The following NOS1AP variants were observed in gnomAD, a reference collection of about 807,000 sequenced individuals.
NOS1AP encodes the protein carboxyl-terminal PDZ ligand of neuronal nitric oxide synthase protein.
In NOS1AP, 21 loss-of-function variants were observed where a neutral mutation model predicts 56.2. The observed-to-expected ratio is 0.37, with a 90% confidence interval of 0.26 to 0.54. NOS1AP has a LOEUF of 0.54. NOS1AP is among the 20% of genes least tolerant of loss of function. The pLI, the probability that NOS1AP is intolerant of heterozygous loss-of-function variation, is 0.84. For synonymous variants in NOS1AP, 270 were observed against 274.6 expected (o/e 0.98, Z 0.17); for missense variants, 522 against 657.8 (o/e 0.79, Z 2.26).
chr1:162,314,422 G>C (rs1297124177), intron 4 of NOS1AP, among the ~76,000 whole-genome samples: 2 of 152,234 alleles, frequency 1.3e-5, no homozygotes, highest in East Asian at 3.8e-4. Context: ...AGTAACAGGG[G>C]AGCAGGGAAA....
At chr1:162,236,773 C>T (rs1456198914) in intron 2 of NOS1AP, among the ~76,000 whole-genome samples, 1 of 152,158 alleles carries the variant, frequency 6.6e-6, no homozygotes, top group African/African-American at 2.4e-5. Context: ...CCATAGTTCA[C>T]AGGCCAGTCC....
chr1:162,278,905 G>A (rs1654830861), intron 2 of NOS1AP, among the ~76,000 whole-genome samples: 1 of 152,128 alleles, frequency 6.6e-6, no homozygotes, highest in African/African-American at 2.4e-5. Context: ...TTTCTGCCAG[G>A]AACGTTGTTT....
intron 5 of NOS1AP, among the ~76,000 whole-genome samples, chr1:162,333,713 G>A (rs907006451): frequency 2.0e-5 from 3 of 152,132 alleles, no homozygotes; most frequent in African/African-American, 7.2e-5. Flanking sequence ...ACGTTATGTA[G>A]GTCCCAGCGT....
At position 162,356,059 on chromosome 1, in the gene NOS1AP, C is replaced by T. The variant is rs755563092; in HGVS notation, c.762+706C>T. ...GGTTTATATCAGGGCACCTCTCTCT[C>T]TTTAACATTCATATCTTATCTCACA... On this transcript the variant is annotated intron_variant, in intron 7 of 9. Transcript: ENST00000361897. 1.2e-4 allele frequency among the ~76,000 whole-genome samples: 19 copies of T among 152,344 alleles called. 1 individual carries two copies. Among genetic ancestry groups the T allele is most frequent in the Middle Eastern group, 3.4e-3 (1 of 294 alleles).
rs1234331164 is a variant in NOS1AP at position 162,128,746 on chromosome 1, C to G, written c.106-25659C>G. ...AAGGTAATTTGTTAGCCTATGAATT[C>G]TACAAACAGGGAAAAAAAAATCTGT... On this transcript the variant is annotated intron_variant, in intron 1 of 9. Transcript: ENST00000361897. Among the ~76,000 whole-genome samples, 3 of 151,068 alleles carry G rather than the reference C, an allele frequency of 2.0e-5. No homozygotes were observed. In the Admixed American group the frequency reaches 2.0e-4, roughly 10 times the overall value.
chr1:162,322,329 G>A (rs1422010735), intron 4 of NOS1AP, among the ~76,000 whole-genome samples: 1 of 152,186 alleles, frequency 6.6e-6, no homozygotes. Context: ...GCAGGTCAGA[G>A]CAACTGGAAA....
Position 162,070,071 on chromosome 1 carries a change from C to A in NOS1AP, c.-107C>A. ...GCTCCCCCTGCCCAGCGCTCCCAGG[C>A]CCCGCCACGCGTCGCCGCGCCCAGC... On this transcript the variant is annotated 5_prime_UTR_variant, in exon 1 of 10. Coordinates refer to ENST00000361897, the MANE Select transcript of NOS1AP (RefSeq NM_014697.3). 1.1e-6 allele frequency: 1 copy of A among 876,824 alleles called. No homozygotes were observed. The highest frequency in any genetic ancestry group is 1.8e-6 in the Non-Finnish European group (1 of 552,786). The allele number at this position is 876,824 out of a possible 1,614,324, so 54.3% of individuals were successfully genotyped here. A position where few individuals can be genotyped will look rare whatever the true frequency, so the allele number is the denominator to read the frequency against.
intron 4 of NOS1AP, among the ~76,000 whole-genome samples, chr1:162,309,858 G>A (rs1057451552): frequency 7.9e-5 from 12 of 152,290 alleles, no homozygotes; most frequent in African/African-American, 2.6e-4. Context: ...TTTAAAGTAT[G>A]TGTAATTTTA....
intron 1 of NOS1AP, among the ~76,000 whole-genome samples, chr1:162,144,925 G>A (rs1286939682): frequency 6.6e-6 from 1 of 152,158 alleles, no homozygotes; most frequent in African/African-American, 2.4e-5. Flanking sequence ...TGGTTGGATC[G>A]TTCTGTCTTA....
chr1:162,138,957 G>A (rs1410630207), intron 1 of NOS1AP, among the ~76,000 whole-genome samples: 1 of 152,170 alleles, frequency 6.6e-6, no homozygotes, highest in East Asian at 1.9e-4. Context: ...GGGATGGTTG[G>A]TCAACCTAAC....
intron 4 of NOS1AP, among the ~76,000 whole-genome samples, chr1:162,316,312 C>T (rs1056923742): frequency 3.3e-5 from 5 of 152,198 alleles, no homozygotes; most frequent in African/African-American, 9.6e-5. Flanking sequence ...CACTGAGAAA[C>T]AAGAAGTCGA....
At chr1:162,351,526 C>T (rs1263260092) in intron 6 of NOS1AP, among the ~76,000 whole-genome samples, 1 of 152,194 alleles carries the variant, frequency 6.6e-6, no homozygotes, top group Non-Finnish European at 1.5e-5. Flanking sequence ...TGGACAGTGA[C>T]CTTCTCCTGT....
chr1:162,078,379 T>G (rs1691817644), intron 1 of NOS1AP, among the ~76,000 whole-genome samples: 1 of 152,220 alleles, frequency 6.6e-6, no homozygotes, highest in Non-Finnish European at 1.5e-5. Flanking sequence ...ACCCCTTGTA[T>G]TCTTTGATTT....
intron 1 of NOS1AP, among the ~76,000 whole-genome samples, chr1:162,092,091 G>A (rs1362389330): frequency 6.6e-6 from 1 of 152,160 alleles, no homozygotes; most frequent in Non-Finnish European, 1.5e-5. Context: ...ACAAAGGATG[G>A]GATTGGCATT....
intron 1 of NOS1AP, among the ~76,000 whole-genome samples, chr1:162,094,636 C>T (rs901014554): frequency 5.3e-5 from 8 of 152,180 alleles, no homozygotes; most frequent in Admixed American, 2.6e-4. Context: ...TTGGCAGATT[C>T]TGGGACATTT....
intron 2 of NOS1AP, among the ~76,000 whole-genome samples, chr1:162,164,559 C>CA (rs1037579101): frequency 2.0e-5 from 3 of 152,176 alleles, no homozygotes; most frequent in African/African-American, 7.2e-5. Flanking sequence ...TTCCATCCTC[C>CA]ATCTCTATGA....
intron 8 of NOS1AP, among the ~76,000 whole-genome samples, chr1:162,360,005 T>C (rs1657845602): frequency 6.6e-6 from 1 of 151,530 alleles, no homozygotes; most frequent in Admixed American, 6.6e-5. Flanking sequence ...ACTATTTATG[T>C]CGTCCCCCCC....
chr1:162,214,162 G>T (rs768523348), intron 2 of NOS1AP, among the ~76,000 whole-genome samples: 1 of 152,206 alleles, frequency 6.6e-6, no homozygotes, highest in Non-Finnish European at 1.5e-5. Context: ...TGGTGTGCCT[G>T]TGGGACCAGA....
intron 2 of NOS1AP, among the ~76,000 whole-genome samples, chr1:162,205,619 T>G (rs1324188038): frequency 6.6e-6 from 1 of 152,242 alleles, no homozygotes; most frequent in East Asian, 1.9e-4. Flanking sequence ...TAATGGTTTT[T>G]CCGGGGAGTA....
Sources: allele counts gnomAD v4.1 joint callset (sites outside exome capture counted in the v4.1 genomes callset), GRCh38; gene constraint gnomAD v4.1.1; transcripts MANE v1.5; gene names NCBI Gene and HGNC (gene_info 2026-07-23, HGNC 2026-07-21).